The following CADPS2 variants were observed in gnomAD, a reference collection of about 807,000 sequenced individuals.
CADPS2 encodes calcium-dependent secretion activator 2.
A neutral mutation model predicts 172.5 loss-of-function variants in CADPS2; 93 were observed. The ratio of observed to expected loss-of-function variants is 0.54; its 90% CI spans 0.46 to 0.64. The LOEUF (loss-of-function observed/expected upper bound fraction) is 0.64, where lower values mean the gene tolerates loss of function less well. Ranked by LOEUF, CADPS2 falls within the 30% of genes least tolerant of loss-of-function variation. The pLI is 0.00. For missense variants in CADPS2, 1,420 were observed against 1,565.9 expected, an observed-to-expected ratio of 0.91 and a Z score of 1.57; for synonymous variants, 546 against 555.2, an observed-to-expected ratio of 0.98 and a Z score of 0.23.
chr7:122,867,475 GC>G, intron 1 of CADPS2, among the ~76,000 whole-genome samples: 2 of 152,222 alleles, frequency 1.3e-5, no homozygotes, highest in South Asian at 4.1e-4. Context: ...TCAACTCCCA[GC>G]TTATTCTTGA....
intron 1 of CADPS2, among the ~76,000 whole-genome samples, chr7:122,789,404 T>C (rs1256261010): frequency 6.6e-6 from 1 of 152,200 alleles, no homozygotes; most frequent in Non-Finnish European, 1.5e-5. Flanking sequence ...GAGCTGCTAT[T>C]TAATTCCCTC....
At chr7:122,689,761 C>G (rs971327792) in intron 2 of CADPS2, among the ~76,000 whole-genome samples, 4 of 152,160 alleles carry the variant, frequency 2.6e-5, no homozygotes, top group Non-Finnish European at 5.9e-5. Flanking sequence ...GTGTAGTGAT[C>G]GTGTTATGTT....
At chr7:122,592,756 A>G (rs865870766) in intron 6 of CADPS2, among the ~76,000 whole-genome samples, 4 of 148,530 alleles carry the variant, frequency 2.7e-5, no homozygotes, top group Middle Eastern at 3.5e-3. Flanking sequence ...CAAACACCGC[A>G]TGTTCTCACT....
chr7:122,783,504 C>T (rs1056922262), intron 1 of CADPS2, among the ~76,000 whole-genome samples: 1 of 152,116 alleles, frequency 6.6e-6, no homozygotes, highest in African/African-American at 2.4e-5. Context: ...GTGTCTGTCC[C>T]TTGCAGACCC....
chr7:122,775,842 T>C (rs1169325961), intron 1 of CADPS2, among the ~76,000 whole-genome samples: 1 of 152,226 alleles, frequency 6.6e-6, no homozygotes, highest in East Asian at 1.9e-4. Context: ...TTCACAACTT[T>C]CTTAGGAAGT....
rs993353667 is a variant in CADPS2, at chr7:122,513,269, G to A, written c.1522C>T (p.Arg508Cys). 3.8e-6 allele frequency: 6 copies of A among 1,561,948 alleles called. No homozygotes were observed. Among genetic ancestry groups the A allele is most frequent in the African/African-American group, 1.4e-5 (1 of 73,664 alleles). ...GQKVWKRWKK[R>C]YFVLVQVSQY... ...CTAACCTGAACTAGAACAAAGTAAC[G>A]TTTTTTCCATCTTTTCCAAACCTTC... Residue 508 changes from arginine (R) to cysteine (C), a missense_variant, in exon 9 of 30, where the codon CGT becomes TGT. Arg to Cys is a radical substitution (Grantham distance 180). Transcript: ENST00000449022.
chr7:122,525,452 A>T (rs2061152793), intron 8 of CADPS2, among the ~76,000 whole-genome samples: 1 of 152,182 alleles, frequency 6.6e-6, no homozygotes, highest in Admixed American at 6.6e-5. Flanking sequence ...CTTTGTGACC[A>T]ATCTTGTCGG....
intron 8 of CADPS2, among the ~76,000 whole-genome samples, chr7:122,521,149 T>G (rs932138460): frequency 6.6e-6 from 1 of 152,078 alleles, no homozygotes; most frequent in Non-Finnish European, 1.5e-5. Context: ...TCAGTCAAGG[T>G]TGAAAGAGCA....
chr7:122,443,097 ATTGT>A (rs1288303401), intron 15 of CADPS2, among the ~76,000 whole-genome samples: 1 of 152,074 alleles, frequency 6.6e-6, no homozygotes, highest in Non-Finnish European at 1.5e-5. Flanking sequence ...TGTCTTCCCT[ATTGT>A]TTATTTCCAT....
chr7:122,583,953 T>C (rs547498259), intron 6 of CADPS2, among the ~76,000 whole-genome samples: 113 of 151,646 alleles, frequency 7.5e-4, no homozygotes, highest in African/African-American at 2.5e-3. Flanking sequence ...TCCCTACATT[T>C]ATTGAAATAA....
intron 2 of CADPS2, chr7:122,698,064 G>A (rs1426659456): frequency 1.9e-6 from 3 of 1,613,880 alleles, no homozygotes; most frequent in East Asian, 4.5e-5. Flanking sequence ...GTAAAATCCA[G>A]GGGTCAATGC....
rs1361829683 is a variant in CADPS2, at chr7:122,471,440, A to G, written c.2121T>C (p.Ala707=). 1.2e-6 allele frequency: 2 copies of G among 1,613,668 alleles called. No individual in the cohort carries two copies. The highest frequency in any genetic ancestry group is 1.7e-6 in the Non-Finnish European group (2 of 1,179,736). ...AELMEHSENG[A]VIDPTLLHYS... is the part of the protein sequence containing the mutation. ...AATGGAGCAGGGTAGGGTCAATGACAGCACCATTTTCTGAATGTTCCATCA... is the reference window on the plus strand; with the variant it reads ...AATGGAGCAGGGTAGGGTCAATGACGGCACCATTTTCTGAATGTTCCATCA... The change falls in exon 14 of 30, where the codon GCT becomes GCC. Residue 707 remains alanine (A), a synonymous_variant. Transcript: ENST00000449022.
intron 2 of CADPS2, among the ~76,000 whole-genome samples, chr7:122,730,105 G>A (rs563550056): frequency 1.3e-5 from 2 of 151,646 alleles, no homozygotes; most frequent in African/African-American, 4.8e-5. Flanking sequence ...CATAACAGAG[G>A]GTTAAGCATC....
At chr7:122,795,023 A>C (rs1432524455) in intron 1 of CADPS2, among the ~76,000 whole-genome samples, 1 of 152,116 alleles carries the variant, frequency 6.6e-6, no homozygotes, top group African/African-American at 2.4e-5. Context: ...AGTTACAAAG[A>C]TCTCAAGTTA....
intron 2 of CADPS2, chr7:122,702,020 A>G: frequency 6.2e-7 from 1 of 1,613,676 alleles, no homozygotes; most frequent in Non-Finnish European, 8.5e-7. Flanking sequence ...CCCTTCTTTG[A>G]GAACTCGCAG....
chr7:122,539,994 T>C (rs1198988924), intron 8 of CADPS2, among the ~76,000 whole-genome samples: 3 of 152,110 alleles, frequency 2.0e-5, no homozygotes, highest in African/African-American at 7.2e-5. Flanking sequence ...TCACATTTTA[T>C]ATTTAATATA....
chr7:122,774,357 A>G (rs1479328269), intron 1 of CADPS2, among the ~76,000 whole-genome samples: 2 of 151,680 alleles, frequency 1.3e-5, no homozygotes, highest in Non-Finnish European at 2.9e-5. Context: ...AAACCAATTT[A>G]CTTTCTTTAA....
chr7:122,780,135 T>A (rs1042643524), intron 1 of CADPS2, among the ~76,000 whole-genome samples: 2 of 152,202 alleles, frequency 1.3e-5, no homozygotes, highest in African/African-American at 2.4e-5. Flanking sequence ...CTATATTTTT[T>A]AAAATCTTAT....
At chr7:122,451,497 A>G (rs368184707) in intron 14 of CADPS2, 22 bp from the exon 15 acceptor site, 1 of 1,336,548 alleles carries the variant, frequency 7.5e-7, no homozygotes, top group South Asian at 1.4e-5. Flanking sequence ...ATCAGAATCA[A>G]TAATTCATAT....
Sources: gnomAD v4.1 joint callset for allele counts (sites outside exome capture counted in the v4.1 genomes callset) on GRCh38, gnomAD v4.1.1 for gene constraint, MANE v1.5 for transcripts, NCBI Gene and HGNC (gene_info 2026-07-23, HGNC 2026-07-21) for gene names.